CLEC2B: variants seen among roughly 807,000 people sequenced by gnomAD.
The protein encoded by CLEC2B is C-type (calcium dependent, carbohydrate-recognition domain) lectin, superfamily member 2 (activation-induced).
Under a neutral mutation model 16.2 loss-of-function variants are expected in CLEC2B, and 14 were observed. The observed-to-expected ratio is 0.86, with a 90% CI of 0.57 to 1.35. The LOEUF (loss-of-function observed/expected upper bound fraction) is 1.35, where lower values mean the gene tolerates loss of function less well. Among genes scored for constraint, CLEC2B ranks in the 40% most tolerant of loss-of-function variants. The pLI is 0.00. For synonymous variants in CLEC2B, 42 were observed against 55.8 expected (o/e 0.75, Z 1.10); for missense variants, 166 against 182.3 (o/e 0.91, Z 0.52).
chr12:9,854,241 C>T (rs1031540504), intron 4 of CLEC2B, 140 bp downstream of exon 4: 43 of 537,746 alleles, frequency 8.0e-5, no homozygotes, highest in Non-Finnish European at 1.3e-4. Context: ...TTACATGAAT[C>T]TCAATATATA....
intron 1 of CLEC2B, among the ~76,000 whole-genome samples, chr12:9,862,995 A>G (rs539952447): frequency 6.6e-6 from 1 of 152,228 alleles, no homozygotes; most frequent in Non-Finnish European, 1.5e-5. Context: ...GGCAGAGACA[A>G]AGTGGGGAGG....
chr12:9,868,647 C>T (rs956042900), intron 1 of CLEC2B, among the ~76,000 whole-genome samples: 1 of 152,060 alleles, frequency 6.6e-6, no homozygotes. Context: ...TCCAATGTTA[C>T]CAGGTTGTTT....
intron 2 of CLEC2B, 84 bp downstream of exon 2, chr12:9,862,415 C>T: frequency 8.3e-7 from 1 of 1,199,880 alleles, no homozygotes; most frequent in Admixed American, 4.0e-5. Context: ...TAATGAGATA[C>T]TGAGAAAAGA....
rs144695163 is a variant in CLEC2B at position 9,854,472 on chromosome 12, G to A, written c.250C>T (p.Arg84Trp). 1.0e-4 allele frequency: 168 copies of A among 1,610,822 alleles called. No homozygotes were observed. The highest frequency in any genetic ancestry group is 1.8e-4 in the East Asian group (8 of 44,822). The change falls in exon 4 of 5, where the codon CGG becomes TGG. Residue 84 changes from arginine to tryptophan, a missense_variant. By Grantham distance (101) the Arg-to-Trp change is moderately radical. Coordinates refer to ENST00000228438, the MANE Select transcript of CLEC2B (RefSeq NM_005127.3). Reference protein sequence around the residue: ...DNIEEMNFLRRYKCSSDHWIG... With the variant: ...DNIEEMNFLRWYKCSSDHWIG... ...CAGTGATCAGAACTGCATTTATACC[G>A]CCTAAGAAAATTCTTTAGAGACAAA...
At chr12:9,853,974 A>C (rs977301144) in intron 4 of CLEC2B, among the ~76,000 whole-genome samples, 7 of 152,224 alleles carry the variant, frequency 4.6e-5, no homozygotes, top group Non-Finnish European at 8.8e-5. Context: ...GACAAACTGC[A>C]TAACAGTGAA....
chr12:9,856,472 C>G (rs1867894840), intron 3 of CLEC2B, among the ~76,000 whole-genome samples: 3 of 152,002 alleles, frequency 2.0e-5, no homozygotes, highest in Admixed American at 2.0e-4. Flanking sequence ...CAACATTTTA[C>G]TACCTTTTTT....
At chr12:9,859,692 A>T (rs1422997972) in intron 2 of CLEC2B, among the ~76,000 whole-genome samples, 1 of 151,886 alleles carries the variant, frequency 6.6e-6, no homozygotes, top group Non-Finnish European at 1.5e-5. Flanking sequence ...ATACTTTCCA[A>T]CCAAATTTTA....
intron 1 of CLEC2B, 35 bp downstream of exon 1, chr12:9,869,170 T>C (rs1867995535): frequency 6.6e-6 from 1 of 152,160 alleles, no homozygotes; most frequent in Admixed American, 6.5e-5. Context: ...TTTCAATAAA[T>C]AACGGTCATT....
intron 3 of CLEC2B, among the ~76,000 whole-genome samples, chr12:9,855,491 G>T (rs1029279522): frequency 2.6e-5 from 4 of 152,118 alleles, no homozygotes; most frequent in Non-Finnish European, 2.9e-5. Flanking sequence ...TTATCAGTGT[G>T]ATCAATACAA....
intron 1 of CLEC2B, among the ~76,000 whole-genome samples, chr12:9,868,028 C>T (rs1368760489): frequency 6.6e-6 from 1 of 151,398 alleles, no homozygotes; most frequent in African/African-American, 2.4e-5. Flanking sequence ...AATTATATCA[C>T]ACTGCCCTAA....
At chr12:9,868,660 T>C (rs916949952) in intron 1 of CLEC2B, among the ~76,000 whole-genome samples, 1 of 152,122 alleles carries the variant, frequency 6.6e-6, no homozygotes, top group Non-Finnish European at 1.5e-5. Flanking sequence ...GGTTGTTTCA[T>C]AGTGTATTTT....
Position 9,853,179 on chromosome 12 carries a change from ACG to A in CLEC2B, c.*119_*120del, listed in dbSNP as rs1565514167. On this transcript the variant is annotated 3_prime_UTR_variant, in exon 5 of 5. Transcript: ENST00000228438. ...AAGTGGCTTTTATGTGTAGCCTGAC[ACG>A]TAAGCAGAATTAACCAGACAGGTAC... The A allele has an allele frequency of 1.4e-4, 104 of 733,946 alleles. 1 individual carries two copies. The highest frequency in any genetic ancestry group is 1.0e-3 in the East Asian group (37 of 36,850). The allele number at this position is 733,946 out of a possible 1,614,324, so 45.5% of individuals were successfully genotyped here. A position where few individuals can be genotyped will look rare whatever the true frequency, so the allele number is the denominator to read the frequency against.
intron 1 of CLEC2B, among the ~76,000 whole-genome samples, chr12:9,864,074 A>AT (rs967201708): frequency 6.6e-6 from 1 of 151,670 alleles, no homozygotes; most frequent in Admixed American, 6.6e-5. Context: ...AGCAAATAAT[A>AT]TTTAAAGGAG....
chr12:9,854,156 G>T (rs1867874839), intron 4 of CLEC2B, among the ~76,000 whole-genome samples: 1 of 152,002 alleles, frequency 6.6e-6, no homozygotes, highest in African/African-American at 2.4e-5. Context: ...TGAATCTCAG[G>T]TCTTTATTTT....
intron 3 of CLEC2B, 72 bp downstream of exon 3, chr12:9,857,402 A>G: frequency 8.7e-7 from 1 of 1,154,200 alleles, no homozygotes; most frequent in Non-Finnish European, 1.3e-6. Context: ...CTTCAAGATT[A>G]TAATGGTGTT....
At chr12:9,862,012 T>C (rs774417633) in intron 2 of CLEC2B, among the ~76,000 whole-genome samples, 2 of 152,020 alleles carry the variant, frequency 1.3e-5, no homozygotes, top group Non-Finnish European at 2.9e-5. Flanking sequence ...ATTTCAACCT[T>C]TTTCCATAAT....
chr12:9,854,107 A>G (rs1240497250), intron 4 of CLEC2B, among the ~76,000 whole-genome samples: 1 of 152,220 alleles, frequency 6.6e-6, no homozygotes, highest in Non-Finnish European at 1.5e-5. Context: ...GTTTATAATC[A>G]GAGAAAAGTT....
intron 4 of CLEC2B, 147 bp from the exon 5 acceptor site, chr12:9,853,555 A>G (rs920994837): frequency 3.2e-6 from 2 of 633,994 alleles, no homozygotes; most frequent in African/African-American, 1.8e-5. Flanking sequence ...ACCTATACCA[A>G]TTTGGATCAA....
At chr12:9,856,070 CCT>C (rs1355501680) in intron 3 of CLEC2B, among the ~76,000 whole-genome samples, 1 of 152,062 alleles carries the variant, frequency 6.6e-6, no homozygotes, top group South Asian at 2.1e-4. Context: ...AGCATTCTTC[CCT>C]GATACATTTG....
Sources: allele counts gnomAD v4.1 joint callset (sites outside exome capture counted in the v4.1 genomes callset), GRCh38; gene constraint gnomAD v4.1.1; transcripts MANE v1.5; gene names NCBI Gene and HGNC (gene_info 2026-07-23, HGNC 2026-07-21).